DCN: variants seen among roughly 807,000 people sequenced by gnomAD.
DCN encodes bone proteoglycan II.
A neutral mutation model predicts 36.5 loss-of-function variants in DCN; 17 were observed. The observed-to-expected ratio is 0.47, with a 90% CI of 0.32 to 0.70. DCN has a LOEUF of 0.70. Ranked by LOEUF, DCN falls within the 30% of genes least tolerant of loss-of-function variation. DCN has a pLI of 0.04. For missense variants in DCN, 389 were observed against 430.1 expected (o/e 0.90, Z 0.84); for synonymous variants, 163 against 161.4 (o/e 1.01, Z -0.07).
chr12:91,171,129 C>T (rs1367073745), intron 2 of DCN, among the ~76,000 whole-genome samples: 2 of 151,998 alleles, frequency 1.3e-5, no homozygotes, highest in Non-Finnish European at 2.9e-5. Flanking sequence ...ATAATGAAAA[C>T]AAAGTCATTA....
Position 91,141,472 on chromosome 12 carries a change from C to G in DCN, c.*4586G>C, listed in dbSNP as rs552068853. 2 of 151,974 alleles carry G rather than the reference C, an allele frequency of 1.3e-5. No homozygotes were observed. The highest frequency in any genetic ancestry group is 2.9e-5 in the Non-Finnish European group (2 of 68,068). 9.4% of individuals were successfully genotyped at this position (151,974 alleles called of 1,614,324 possible). On this transcript the variant is annotated 3_prime_UTR_variant, in exon 8 of 8. Coordinates refer to ENST00000052754, the MANE Select transcript of DCN (RefSeq NM_001920.5). ...CACCCCCTTCACATCCCTTATTCCC[C>G]AGTTCTGCTTGACATTCCTCCACTT...
intron 5 of DCN, 84 bp from the exon 6 acceptor site, chr12:91,153,273 C>A: frequency 1.2e-6 from 1 of 803,408 alleles, no homozygotes; most frequent in Non-Finnish European, 2.2e-6. Flanking sequence ...AGACATATGC[C>A]ATCAATTTTC....
Position 91,146,195 on chromosome 12 carries a change from G to A in DCN, c.943C>T (p.Pro315Ser), listed in dbSNP as rs1332093143. 2 of 1,613,478 alleles carry A rather than the reference G, an allele frequency of 1.2e-6. No individual in the cohort carries two copies. The highest frequency in any genetic ancestry group is 2.2e-5 in the East Asian group (1 of 44,860). Residue 315 changes from proline (P) to serine (S), a missense_variant, in exon 8 of 8, where the codon CCT (proline) becomes TCT (serine). Transcript: ENST00000052754. ...SVVGSSDFCP[P>S]GHNTKKASYS... is the part of the protein sequence containing the mutation. ...GAAGCCTTTTTGGTGTTGTGTCCAG[G>A]TGGGCAGAAGTCACTTGATCCAACT...
At position 91,159,230 on chromosome 12, in the gene DCN, A is replaced by G. The variant is rs370695572; in HGVS notation, c.325-721T>C. Among the ~76,000 whole-genome samples, 31 of 152,284 alleles carry G rather than the reference A, an allele frequency of 2.0e-4. No individual in the cohort carries two copies. In the East Asian group the frequency reaches 5.2e-3, roughly 26 times the overall value. ...ACTTAAAAGTCCATCTTCATTGATCATGAACATGGATTCCGCTACAAAAGG... is the reference window on the plus strand; with the variant it reads ...ACTTAAAAGTCCATCTTCATTGATCGTGAACATGGATTCCGCTACAAAAGG... On this transcript the variant is annotated intron_variant, in intron 3 of 7. Transcript: ENST00000052754.
intron 3 of DCN, among the ~76,000 whole-genome samples, chr12:91,164,018 G>A (rs1177294206): frequency 6.6e-6 from 1 of 152,058 alleles, no homozygotes; most frequent in Non-Finnish European, 1.5e-5. Context: ...TAAGATATAT[G>A]GGGTATATGT....
rs1039109019 is a variant in DCN at position 91,158,465 on chromosome 12, T to A, written c.369A>T (p.Gly123=). ...VNNKISKVSP[G]AFTPLVKLER... is the part of the protein sequence containing the mutation. ...CCAACTTCACCAAAGGTGTAAATGC[T>A]CCAGGACTAACTTTGCTAATTTTAT... Residue 123 remains glycine (G), a synonymous_variant, in exon 4 of 8, where the codon GGA becomes GGT. Transcript: ENST00000052754. 1 of 1,607,202 alleles carries A rather than the reference T, an allele frequency of 6.2e-7. No individual in the cohort carries two copies. The highest frequency in any genetic ancestry group is 8.5e-7 in the Non-Finnish European group (1 of 1,173,642).
intron 2 of DCN, chr12:91,172,641 G>T (rs935450735): frequency 2.2e-5 from 13 of 598,274 alleles, no homozygotes; most frequent in Non-Finnish European, 3.9e-5. Flanking sequence ...AGGATGCACT[G>T]AGAAATCACT....
intron 2 of DCN, among the ~76,000 whole-genome samples, chr12:91,164,992 A>G (rs1356201194): frequency 6.6e-6 from 1 of 152,196 alleles, no homozygotes; most frequent in African/African-American, 2.4e-5. Context: ...TTTGTGTTGC[A>G]TTAGGGTGTG....
At chr12:91,156,858 G>A (rs1881811245) in intron 5 of DCN, among the ~76,000 whole-genome samples, 1 of 152,030 alleles carries the variant, frequency 6.6e-6, no homozygotes, top group Admixed American at 6.5e-5. Flanking sequence ...GGATGGCCCC[G>A]TGGTCATCCA....
chr12:91,164,451 T>TA (rs1221687666), intron 3 of DCN, among the ~76,000 whole-genome samples, 154 bp downstream of exon 3: 61 of 49,628 alleles, frequency 1.2e-3, no homozygotes, highest in African/African-American at 3.4e-3. Flanking sequence ...GCAGAATTAA[T>TA]AAAAAAAAAG....
At chr12:91,164,521 A>ACCTTGTACTCTTGGCCTTATCTAG (rs1882409513) in intron 3 of DCN, 84 bp downstream of exon 3, 2 of 744,250 alleles carry the variant, frequency 2.7e-6, no homozygotes, top group African/African-American at 3.5e-5. Flanking sequence ...GTTGGTACAT[A>ACCTTGTACTCTTGGCCTTATCTAG]GTACTCTTGG....
chr12:91,164,604 C>A lies in DCN; in HGVS notation c.324+1G>T. 1 of 1,547,584 alleles carries A rather than the reference C, an allele frequency of 6.5e-7. No homozygotes were observed. The highest frequency in any genetic ancestry group is 8.9e-7 in the Non-Finnish European group (1 of 1,119,810). ...GTGAGTTAAAAAAAAATAGTTCTTA[C>A]GTGAAGGTTCTTCAGGTTCTTAAAG... On this transcript the variant is annotated splice_donor_variant, in intron 3 of 7. Coordinates refer to ENST00000052754, the MANE Select transcript of DCN (RefSeq NM_001920.5). LOFTEE classifies it high-confidence loss of function.
At chr12:91,155,615 G>GATCTATCTATCTATCTATCT (rs3990009) in intron 5 of DCN, among the ~76,000 whole-genome samples, 1 of 150,242 alleles carries the variant, frequency 6.7e-6, no homozygotes, top group African/African-American at 2.5e-5. Flanking sequence ...ATTTTAATAA[G>GATCTATCTATCTATCTATCT]ATCTATCTAT....
At chr12:91,173,836 G>C (rs1883125407) in intron 2 of DCN, among the ~76,000 whole-genome samples, 1 of 152,158 alleles carries the variant, frequency 6.6e-6, no homozygotes. Context: ...CTCCAGCCAA[G>C]CGAGAAGCTG....
intron 3 of DCN, 59 bp downstream of exon 3, chr12:91,164,546 T>A: frequency 1.1e-6 from 1 of 901,632 alleles, no homozygotes; most frequent in Non-Finnish European, 1.9e-6. Flanking sequence ...ATCTAGGTAG[T>A]GTTTTGAAAA....
chr12:91,178,581 G>A lies in DCN; in HGVS notation c.-29C>T. 1.3e-6 allele frequency: 2 copies of A among 1,587,358 alleles called. No individual in the cohort carries two copies. The highest frequency in any genetic ancestry group is 1.7e-6 in the Non-Finnish European group (2 of 1,156,018). ...TTATCTCATGTATTTTCACAACCAG[G>A]GAACCTAGGAAACAAATGAGAGATT... On this transcript the variant is annotated 5_prime_UTR_variant, in exon 2 of 8. Transcript: ENST00000052754.
At chr12:91,170,804 G>A (rs1177692469) in intron 2 of DCN, among the ~76,000 whole-genome samples, 3 of 152,102 alleles carry the variant, frequency 2.0e-5, no homozygotes, top group Non-Finnish European at 4.4e-5. Flanking sequence ...AGAAATACAC[G>A]AGGACCAGAG....
chr12:91,176,999 T>C (rs545297285), intron 2 of DCN: 1 of 152,410 alleles, frequency 6.6e-6, no homozygotes, highest in African/African-American at 2.4e-5. Context: ...ATTCAAAAAG[T>C]AATAGTCACC....
At chr12:91,167,738 G>A (rs894672108) in intron 2 of DCN, among the ~76,000 whole-genome samples, 4 of 152,184 alleles carry the variant, frequency 2.6e-5, no homozygotes, top group Non-Finnish European at 5.9e-5. Context: ...GAAACCCAAA[G>A]AAGTTAAATA....
Sources: allele counts gnomAD v4.1 joint callset (sites outside exome capture counted in the v4.1 genomes callset), GRCh38; gene constraint gnomAD v4.1.1; transcripts MANE v1.5; gene names NCBI Gene and HGNC (gene_info 2026-07-23, HGNC 2026-07-21).